The following DLG1 variants were observed in gnomAD, a reference collection of about 807,000 sequenced individuals.
The protein encoded by DLG1 is disks large homolog 1.
A neutral mutation model predicts 123.4 loss-of-function variants in DLG1; 42 were observed. The observed-to-expected ratio is 0.34, with a 90% CI of 0.27 to 0.44. The LOEUF (loss-of-function observed/expected upper bound fraction) is 0.44, where lower values mean the gene tolerates loss of function less well. DLG1 is among the 20% of genes least tolerant of loss of function. The pLI, the probability that DLG1 is intolerant of heterozygous loss-of-function variation, is 1.00. For synonymous variants in DLG1, 317 were observed against 356.2 expected (o/e 0.89, Z 1.24); for missense variants, 942 against 1,082.6 (o/e 0.87, Z 1.82).
chr3:197,297,634 T>C lies in DLG1; in HGVS notation c.-31-399A>G, dbSNP rs537887631. ...AGCGCTGAGAGGGGACCAGCGGGAC[T>C]GGCCGCCCGCCCTGCTCGGGCCCCC... is the stretch of plus-strand genomic sequence containing the variant. On this transcript the variant is annotated intron_variant, in intron 1 of 24. Transcript: ENST00000667157. 2,389 of 998,910 alleles carry C rather than the reference T, an allele frequency of 2.4e-3. 41 individuals are homozygous for C. In the African/African-American group the frequency reaches 0.038, roughly 16 times the overall value. The allele number at this position is 998,910 out of a possible 1,614,324, so 61.9% of individuals were successfully genotyped here.
intron 4 of DLG1, among the ~76,000 whole-genome samples, chr3:197,235,395 A>G (rs1745435509): frequency 6.6e-6 from 1 of 152,248 alleles, no homozygotes; most frequent in African/African-American, 2.4e-5. Context: ...CGTGAACAGC[A>G]TAAAATTCAA....
intron 16 of DLG1, among the ~76,000 whole-genome samples, chr3:197,084,428 C>T (rs554902919): frequency 2.6e-5 from 4 of 151,346 alleles, no homozygotes; most frequent in Non-Finnish European, 4.4e-5. Context: ...TCTCCTGCCT[C>T]AGCCTCCCAA....
At chr3:197,140,062 A>G in intron 8 of DLG1, 78 bp downstream of exon 8, 1 of 1,500,786 alleles carries the variant, frequency 6.7e-7, no homozygotes, top group Non-Finnish European at 9.0e-7. Flanking sequence ...TGTTATTTGT[A>G]TTTATCCCTT....
At chr3:197,280,336 T>TG (rs1768636745) in intron 4 of DLG1, among the ~76,000 whole-genome samples, 2 of 88,486 alleles carry the variant, frequency 2.3e-5, no homozygotes, top group Non-Finnish European at 4.8e-5. Context: ...AGTAGTCCAT[T>TG]TTGTGTGTGT....
intron 4 of DLG1, among the ~76,000 whole-genome samples, chr3:197,234,229 G>T (rs113555912): frequency 6.6e-6 from 1 of 152,134 alleles, no homozygotes; most frequent in African/African-American, 2.4e-5. Flanking sequence ...TATTTTTAAC[G>T]AGCTCCCTGT....
At chr3:197,213,205 T>C (rs1359084835) in intron 4 of DLG1, among the ~76,000 whole-genome samples, 3 of 152,168 alleles carry the variant, frequency 2.0e-5, no homozygotes, top group Non-Finnish European at 4.4e-5. Context: ...GTGTTTTATA[T>C]CCAGACACCA....
chr3:197,080,789 C>A (rs959061878), intron 17 of DLG1: 30 of 261,488 alleles, frequency 1.1e-4, no homozygotes, highest in Admixed American at 1.1e-4. Flanking sequence ...AATTGGAAAT[C>A]GAATGAAGGT....
intron 4 of DLG1, among the ~76,000 whole-genome samples, chr3:197,196,841 G>T (rs1046593391): frequency 6.6e-6 from 1 of 151,726 alleles, no homozygotes; most frequent in Non-Finnish European, 1.5e-5. Context: ...ATAAAACTAT[G>T]TATGTACATA....
intron 5 of DLG1, among the ~76,000 whole-genome samples, chr3:197,156,403 A>G (rs1796430434): frequency 6.6e-6 from 1 of 152,216 alleles, no homozygotes; most frequent in Admixed American, 6.5e-5. Context: ...CAAAAAAGCT[A>G]CAAGGCATAT....
chr3:197,105,301 C>A (rs1377156228), intron 13 of DLG1, among the ~76,000 whole-genome samples: 1 of 152,098 alleles, frequency 6.6e-6, no homozygotes, highest in Non-Finnish European at 1.5e-5. Context: ...AATTTGAGAA[C>A]CTGAAAAATC....
intron 4 of DLG1, among the ~76,000 whole-genome samples, chr3:197,279,232 A>G (rs1767996559): frequency 6.6e-6 from 1 of 152,198 alleles, no homozygotes; most frequent in Admixed American, 6.5e-5. Context: ...AGTAGCAATT[A>G]AATCCCCAAA....
At chr3:197,247,731 A>C (rs61394945) in intron 4 of DLG1, among the ~76,000 whole-genome samples, 36,679 of 152,024 alleles carry the variant, frequency 0.24, 5,525 homozygotes, top group East Asian at 0.68. Context: ...TTTTAACATG[A>C]GACCTAAGGG....
chr3:197,226,659 C>T lies in DLG1; in HGVS notation c.319-32070G>A, dbSNP rs139434712. 8.0e-3 allele frequency among the ~76,000 whole-genome samples: 1,221 copies of T among 152,210 alleles called. 9 individuals carry two copies. The highest frequency in any genetic ancestry group is 0.012 in the Non-Finnish European group (790 of 68,014). On this transcript the variant is annotated intron_variant, in intron 4 of 24. Coordinates refer to ENST00000667157, the MANE Select transcript of DLG1 (RefSeq NM_001366207.1). ...TTAAGTAGAATAATTACAAATTAAA[C>T]TTGGACAGTAAAAAAAGTTCAGTAT...
chr3:197,227,209 T>C (rs1561557095), intron 4 of DLG1, among the ~76,000 whole-genome samples: 1 of 152,132 alleles, frequency 6.6e-6, no homozygotes, highest in Non-Finnish European at 1.5e-5. Context: ...TTTACAAAAC[T>C]GCCTGTAATC....
At chr3:197,088,879 G>A (rs977184711) in intron 15 of DLG1, among the ~76,000 whole-genome samples, 3 of 152,172 alleles carry the variant, frequency 2.0e-5, no homozygotes, top group Non-Finnish European at 4.4e-5. Flanking sequence ...GGTACCACTC[G>A]ACTGAGTCAT....
intron 5 of DLG1, among the ~76,000 whole-genome samples, chr3:197,150,650 A>G (rs2149766329): frequency 6.6e-6 from 1 of 152,254 alleles, no homozygotes; most frequent in African/African-American, 2.4e-5. Flanking sequence ...GCTTACACAC[A>G]TTAATGGTTC....
intron 4 of DLG1, among the ~76,000 whole-genome samples, chr3:197,198,010 T>C (rs1244818322): frequency 6.6e-6 from 1 of 152,180 alleles, no homozygotes; most frequent in East Asian, 1.9e-4. Context: ...AAATATGAGT[T>C]ACAGTTAGAA....
intron 12 of DLG1, 63 bp from the exon 13 acceptor site, chr3:197,116,146 G>GGTAGTTCTCACTGAT: frequency 7.8e-7 from 1 of 1,276,458 alleles, no homozygotes; most frequent in Non-Finnish European, 1.1e-6. Context: ...TTCTATCAGT[G>GGTAGTTCTCACTGAT]AGAACTACCT....
chr3:197,136,519 G>C, intron 10 of DLG1, 23 bp downstream of exon 10: 1 of 1,586,712 alleles, frequency 6.3e-7, no homozygotes, highest in Non-Finnish European at 8.6e-7. Context: ...TGATTTAAAA[G>C]ACAATAGATT....
Sources: gnomAD v4.1 joint callset for allele counts (sites outside exome capture counted in the v4.1 genomes callset) on GRCh38, gnomAD v4.1.1 for gene constraint, MANE v1.5 for transcripts, NCBI Gene and HGNC (gene_info 2026-07-23, HGNC 2026-07-21) for gene names.